The following CAMK4 variants were observed in gnomAD, a reference collection of about 807,000 sequenced individuals.
CAMK4 encodes the protein calcium/calmodulin-dependent protein kinase type IV.
CAMK4 carries 22 observed loss-of-function variants against 44.9 expected under a neutral mutation model. That is an observed-to-expected ratio of 0.49 (90% CI 0.35 to 0.70). The LOEUF is 0.70. Ranked by LOEUF, CAMK4 falls within the 30% of genes least tolerant of loss-of-function variation. The pLI, the probability that CAMK4 is intolerant of heterozygous loss-of-function variation, is 0.01. For missense variants in CAMK4, 498 were observed against 586.8 expected (o/e 0.85, Z 1.56); for synonymous variants, 218 against 215.4 (o/e 1.01, Z -0.11).
intron 5 of CAMK4, among the ~76,000 whole-genome samples, chr5:111,419,920 G>A (rs1440727628): frequency 6.6e-5 from 10 of 152,082 alleles, no homozygotes; most frequent in Admixed American, 2.0e-4. Flanking sequence ...TTGACTTGGC[G>A]ATGTGGGCTC....
intron 5 of CAMK4, among the ~76,000 whole-genome samples, chr5:111,445,830 T>A (rs1169861691): frequency 6.6e-6 from 1 of 152,202 alleles, no homozygotes; most frequent in Non-Finnish European, 1.5e-5. Flanking sequence ...TATGCATTAG[T>A]GAATCTAGCC....
At chr5:111,370,248 G>A (rs989579474) in intron 2 of CAMK4, among the ~76,000 whole-genome samples, 1 of 152,068 alleles carries the variant, frequency 6.6e-6, no homozygotes, top group East Asian at 1.9e-4. Context: ...AGTATTTTTT[G>A]AGTTTAGATC....
At chr5:111,294,670 T>G (rs76510250) in intron 1 of CAMK4, among the ~76,000 whole-genome samples, 1,821 of 150,890 alleles carry the variant, frequency 0.012, 17 homozygotes, top group Non-Finnish European at 0.019. Context: ...TGTTGCTTAT[T>G]TCTATTTTTT....
chr5:111,435,832 T>C (rs193280158), intron 5 of CAMK4, among the ~76,000 whole-genome samples: 21 of 152,336 alleles, frequency 1.4e-4, no homozygotes, highest in African/African-American at 4.3e-4. Context: ...GCACATACAG[T>C]GGAAATTAGA....
At chr5:111,231,437 T>A (rs1052132661) in intron 1 of CAMK4, among the ~76,000 whole-genome samples, 1 of 152,178 alleles carries the variant, frequency 6.6e-6, no homozygotes, top group African/African-American at 2.4e-5. Context: ...AGTGACACCC[T>A]TATAAGTTGT....
chr5:111,229,643 ATGGCCT>A (rs1748367457), intron 1 of CAMK4, among the ~76,000 whole-genome samples: 1 of 152,160 alleles, frequency 6.6e-6, no homozygotes, highest in East Asian at 1.9e-4. Flanking sequence ...TTAGGGCCCC[ATGGCCT>A]ATCTGGGTAG....
intron 2 of CAMK4, among the ~76,000 whole-genome samples, chr5:111,345,734 CT>C (rs1346180740): frequency 2.0e-5 from 3 of 151,892 alleles, no homozygotes; most frequent in Non-Finnish European, 4.4e-5. Flanking sequence ...TGTCAAAAGT[CT>C]TTGGATAAAT....
intron 1 of CAMK4, among the ~76,000 whole-genome samples, chr5:111,252,190 T>C (rs144785528): frequency 6.6e-6 from 1 of 152,270 alleles, no homozygotes; most frequent in East Asian, 1.9e-4. Context: ...ATGGATCTAG[T>C]TGGAGAAGTA....
At chr5:111,434,020 T>G (rs1182931636) in intron 5 of CAMK4, among the ~76,000 whole-genome samples, 2 of 152,058 alleles carry the variant, frequency 1.3e-5, no homozygotes, top group Non-Finnish European at 2.9e-5. Flanking sequence ...GTGCTGGCCT[T>G]GCGCGGTGGC....
At chr5:111,390,508 G>T (rs1164041270) in intron 4 of CAMK4, among the ~76,000 whole-genome samples, 3 of 152,016 alleles carry the variant, frequency 2.0e-5, no homozygotes, top group Non-Finnish European at 2.9e-5. Flanking sequence ...TCAAAGAAAA[G>T]TACTTTCTGA....
chr5:111,377,395 G>T (rs1751253357), intron 4 of CAMK4, among the ~76,000 whole-genome samples: 1 of 151,680 alleles, frequency 6.6e-6, no homozygotes, highest in Non-Finnish European at 1.5e-5. Flanking sequence ...ATTTTCTTTA[G>T]AAGTCTGTGT....
intron 7 of CAMK4, among the ~76,000 whole-genome samples, chr5:111,471,913 T>C (rs1037178341): frequency 6.6e-6 from 1 of 151,880 alleles, no homozygotes; most frequent in Non-Finnish European, 1.5e-5. Context: ...ATTTATTTAT[T>C]TTTTGAGACA....
intron 5 of CAMK4, among the ~76,000 whole-genome samples, chr5:111,442,782 C>G (rs975972722): frequency 1.4e-5 from 2 of 147,966 alleles, no homozygotes; most frequent in African/African-American, 4.9e-5. Flanking sequence ...TATTATATAT[C>G]TTATTAACAT....
chr5:111,431,526 A>G (rs1039789774), intron 5 of CAMK4, among the ~76,000 whole-genome samples: 11 of 152,170 alleles, frequency 7.2e-5, no homozygotes, highest in African/African-American at 2.4e-4. Context: ...ACATCAAGTT[A>G]AAAAGCTTCT....
At chr5:111,444,330 AC>A (rs990129458) in intron 5 of CAMK4, among the ~76,000 whole-genome samples, 8 of 152,322 alleles carry the variant, frequency 5.3e-5, no homozygotes, top group African/African-American at 1.9e-4. Flanking sequence ...AAATGAGTCA[AC>A]AGGTATAAGG....
chr5:111,278,179 CAGG>C lies in CAMK4; in HGVS notation c.161+53537_161+53539del, dbSNP rs1750855729. Among the ~76,000 whole-genome samples, 3 of 152,290 alleles carry C rather than the reference CAGG, an allele frequency of 2.0e-5. No homozygotes were observed. The South Asian group carries it at 6.2e-4, about 32-fold the overall frequency. ...GGGTTTTCCTTTTGCTGCCCTCCTA[CAGG>C]AATAATTCTAGTGCTTTGCACAATG... On this transcript the variant is annotated intron_variant, in intron 1 of 10. Transcript: ENST00000282356.
chr5:111,289,597 C>A (rs762827631), intron 1 of CAMK4, among the ~76,000 whole-genome samples: 1 of 152,192 alleles, frequency 6.6e-6, no homozygotes, highest in Non-Finnish European at 1.5e-5. Flanking sequence ...ATTTGCCACA[C>A]CATTTATTCT....
chr5:111,434,992 AAC>A (rs1753595234), intron 5 of CAMK4, among the ~76,000 whole-genome samples: 1 of 152,186 alleles, frequency 6.6e-6, no homozygotes, highest in South Asian at 2.1e-4. Context: ...GCTGTAATTA[AAC>A]TAAATTACTA....
At chr5:111,428,724 G>A (rs1208117713) in intron 5 of CAMK4, among the ~76,000 whole-genome samples, 2 of 152,062 alleles carry the variant, frequency 1.3e-5, no homozygotes, top group Admixed American at 6.6e-5. Flanking sequence ...CACACCTATG[G>A]GATCTAGAAA....
Sources: allele counts gnomAD v4.1 joint callset (sites outside exome capture counted in the v4.1 genomes callset), GRCh38; gene constraint gnomAD v4.1.1; transcripts MANE v1.5; gene names NCBI Gene and HGNC (gene_info 2026-07-23, HGNC 2026-07-21).